Variants in PRR5L observed in about 807,000 individuals in gnomAD.
PRR5L encodes the protein proline-rich protein 5-like.
In PRR5L, 21 loss-of-function variants were observed where a neutral mutation model predicts 36.4. The observed-to-expected ratio is 0.58, with a 90% CI of 0.41 to 0.83. The LOEUF is 0.83. PRR5L is among the 40% of genes least tolerant of loss of function. The probability of loss-of-function intolerance (pLI) is 0.00; values close to 1 mark genes in which losing one functional copy is unlikely to be tolerated. For missense variants in PRR5L, 381 were observed against 473.3 expected, an observed-to-expected ratio of 0.80 and a Z score of 1.81; for synonymous variants, 188 against 197.0, an observed-to-expected ratio of 0.95 and a Z score of 0.38.
intron 1 of PRR5L, among the ~76,000 whole-genome samples, chr11:36,350,689 C>A (rs1856920557): frequency 6.6e-6 from 1 of 151,180 alleles, no homozygotes; most frequent in Non-Finnish European, 1.5e-5. Context: ...TCCTTCACCA[C>A]CCTCCCACCC....
At chr11:36,438,912 G>A (rs913330154) in intron 6 of PRR5L, among the ~76,000 whole-genome samples, 4 of 152,120 alleles carry the variant, frequency 2.6e-5, no homozygotes, top group South Asian at 2.1e-4. Flanking sequence ...TACAACCTGG[G>A]TGACAGAGCA....
chr11:36,408,904 C>G (rs149276876), intron 3 of PRR5L, among the ~76,000 whole-genome samples: 22 of 152,262 alleles, frequency 1.4e-4, no homozygotes, highest in Admixed American at 8.5e-4. Context: ...TGTGTCGAAG[C>G]AGGGGCCATT....
In PRR5L at chr11:36,344,361, T is replaced by C. The variant is rs1856845283; in HGVS notation, c.-126+47923T>C. On this transcript the variant is annotated intron_variant, in intron 1 of 8. Transcript: ENST00000530639. This position sits in a 1 kb window ranked among gnomAD's most constrained non-coding sequence, Gnocchi z 4.1. ...TATTTCCATGCACATTTAGTTGAGATTGCACTGTATTTACAGTTTTGTGTT... is the reference window on the plus strand; with the variant it reads ...TATTTCCATGCACATTTAGTTGAGACTGCACTGTATTTACAGTTTTGTGTT... 6.6e-6 allele frequency among the ~76,000 whole-genome samples: 1 copy of C among 152,262 alleles called. No homozygotes were observed. Among genetic ancestry groups the C allele is most frequent in the African/African-American group, 2.4e-5 (1 of 41,468 alleles).
chr11:36,426,707 A>C (rs905284132), intron 4 of PRR5L, among the ~76,000 whole-genome samples: 3 of 152,246 alleles, frequency 2.0e-5, no homozygotes, highest in Admixed American at 1.3e-4. Flanking sequence ...GTGAGAAGGC[A>C]GGAAAAGACT....
intron 1 of PRR5L, among the ~76,000 whole-genome samples, chr11:36,354,930 T>C (rs1857010396): frequency 1.3e-5 from 2 of 152,244 alleles, no homozygotes; most frequent in Admixed American, 1.3e-4. Flanking sequence ...AGATGCCTTA[T>C]GCAAATTCAG....
intron 1 of PRR5L, among the ~76,000 whole-genome samples, chr11:36,330,820 T>G (rs1251732738): frequency 1.3e-5 from 2 of 152,190 alleles, no homozygotes; most frequent in African/African-American, 4.8e-5. Flanking sequence ...TTGTTTGTTT[T>G]TTTGAGATGG....
In PRR5L at chr11:36,462,859, T is replaced by G. The variant is rs1328800661; in HGVS notation, c.*123T>G. Reference sequence around the variant, plus strand: ...TGCTGCCTTATTTCCTTTAGGGTACTGTCCTGGTCAAAATGACCTAAGGGG... The same window carrying G: ...TGCTGCCTTATTTCCTTTAGGGTACGGTCCTGGTCAAAATGACCTAAGGGG... On this transcript the variant is annotated 3_prime_UTR_variant, in exon 9 of 9. Transcript: ENST00000530639. 1.1e-6 allele frequency: 1 copy of G among 942,140 alleles called. No homozygotes were observed. The highest frequency in any genetic ancestry group is 1.5e-6 in the Non-Finnish European group (1 of 666,404). 58.4% of individuals were successfully genotyped at this position (942,140 alleles called of 1,614,324 possible). A position where few individuals can be genotyped will look rare whatever the true frequency, so the allele number is the denominator to read the frequency against.
chr11:36,411,356 G>A (rs1265572112), intron 3 of PRR5L, among the ~76,000 whole-genome samples: 1 of 152,176 alleles, frequency 6.6e-6, no homozygotes, highest in African/African-American at 2.4e-5. Flanking sequence ...TGAGATCGCA[G>A]GTCTGTGTAA....
At chr11:36,346,517 A>G (rs949573246) in intron 1 of PRR5L, among the ~76,000 whole-genome samples, 23 of 152,108 alleles carry the variant, frequency 1.5e-4, no homozygotes, top group Middle Eastern at 3.4e-3. Flanking sequence ...CGGGAGGCGG[A>G]GCTTGTAGTG....
At position 36,403,316 on chromosome 11, in the gene PRR5L, C is replaced by T; in HGVS notation, c.183C>T (p.Ile61=). The T allele has an allele frequency of 1.9e-6, 3 of 1,614,112 alleles. No homozygotes were observed. The highest frequency in any genetic ancestry group is 2.5e-6 in the Non-Finnish European group (3 of 1,179,992). ...SAWNSVQTAV[I]NVFKGGGLQS... is the part of the protein sequence containing the mutation. The stretch of plus-strand genomic sequence containing the variant: ...CCTGTAGCGTTCAGACTGCTGTGAT[C>T]AACGTTTTCAAAGGGGGTGGCTTGC... Residue 61 remains isoleucine, a synonymous_variant, in exon 3 of 9, where the codon ATC becomes ATT. Transcript: ENST00000530639.
At chr11:36,456,810 T>C (rs546613958) in intron 8 of PRR5L, among the ~76,000 whole-genome samples, 28 of 152,386 alleles carry the variant, frequency 1.8e-4, no homozygotes, top group Admixed American at 3.9e-4. Context: ...TGAACATACA[T>C]GCATGGAGGT....
intron 8 of PRR5L, among the ~76,000 whole-genome samples, chr11:36,452,673 C>T (rs1042200220): frequency 6.6e-6 from 1 of 152,252 alleles, no homozygotes; most frequent in Non-Finnish European, 1.5e-5. Context: ...GCTGGCTCAG[C>T]TCACTGAATT....
intron 1 of PRR5L, chr11:36,376,105 A>ATT (rs566629655): frequency 1.1e-3 from 1,080 of 1,000,536 alleles, no homozygotes; most frequent in South Asian, 1.3e-3. Context: ...CTCCTCGGCA[A>ATT]TTTTTTTTTT....
chr11:36,303,522 C>G lies in PRR5L; in HGVS notation c.-126+7084C>G, dbSNP rs187110957. 1.5e-3 allele frequency among the ~76,000 whole-genome samples: 221 copies of G among 152,328 alleles called. 1 individual carries two copies. Among genetic ancestry groups the G allele is most frequent in the Middle Eastern group, 6.8e-3 (2 of 294 alleles). ...CTTCCACTAATCCTCACTTTTGGTG[C>G]AACTTGCCATTTTCACTGTTTGAAT... On this transcript the variant is annotated intron_variant, in intron 1 of 8. Transcript: ENST00000530639.
chr11:36,307,797 A>G (rs1856450789), intron 1 of PRR5L, among the ~76,000 whole-genome samples: 2 of 152,208 alleles, frequency 1.3e-5, no homozygotes, highest in Admixed American at 1.3e-4. Flanking sequence ...AGAACATGTA[A>G]TAATTGTGTA....
chr11:36,363,049 GCCTGAGCCTGGTTTGTCTCTGCA>G (rs924091286), intron 1 of PRR5L, among the ~76,000 whole-genome samples: 3 of 152,198 alleles, frequency 2.0e-5, no homozygotes, highest in Non-Finnish European at 4.4e-5. Flanking sequence ...ACTGGACCAG[GCCTGAGCCTGGTTTGTCTCTGCA>G]CCCTCGACCT....
intron 5 of PRR5L, among the ~76,000 whole-genome samples, chr11:36,433,743 C>T (rs1191127009): frequency 6.6e-6 from 1 of 152,120 alleles, no homozygotes; most frequent in East Asian, 1.9e-4. Flanking sequence ...AGGCGTTTCA[C>T]CATGTTGGCC....
chr11:36,396,566 C>T (rs532564108), intron 1 of PRR5L, among the ~76,000 whole-genome samples: 49 of 152,256 alleles, frequency 3.2e-4, no homozygotes, highest in Admixed American at 5.2e-4. Flanking sequence ...GAAATAACTA[C>T]GACAACATGA....
At chr11:36,372,108 C>A (rs564081427) in intron 1 of PRR5L, among the ~76,000 whole-genome samples, 1 of 151,912 alleles carries the variant, frequency 6.6e-6, no homozygotes, top group Non-Finnish European at 1.5e-5. Flanking sequence ...TGCGATAATG[C>A]GTAAATTGAG....
Sources: gnomAD v4.1 joint callset for allele counts (sites outside exome capture counted in the v4.1 genomes callset) on GRCh38, gnomAD v4.1.1 for gene constraint, Gnocchi (gnomAD v3.1) non-coding constraint, MANE v1.5 for transcripts, NCBI Gene and HGNC (gene_info 2026-07-23, HGNC 2026-07-21) for gene names.